PGS1: variants seen among roughly 807,000 people sequenced by gnomAD.
PGS1 encodes phosphatidylglycerophosphate synthase 1.
Under a neutral mutation model 58.3 loss-of-function variants are expected in PGS1, and 44 were observed. The observed-to-expected ratio is 0.75, with a 90% CI of 0.59 to 0.97. The LOEUF (loss-of-function observed/expected upper bound fraction) is 0.97, where lower values mean the gene tolerates loss of function less well. Ranked by LOEUF, PGS1 falls within the 50% of genes least tolerant of loss-of-function variation. The pLI is 0.00. For missense variants in PGS1, 684 were observed against 731.1 expected, an observed-to-expected ratio of 0.94 and a Z score of 0.74; for synonymous variants, 330 against 311.0, an observed-to-expected ratio of 1.06 and a Z score of -0.64.
chr17:78,413,059 T>C (rs1213223363), intron 7 of PGS1, among the ~76,000 whole-genome samples: 2 of 152,210 alleles, frequency 1.3e-5, no homozygotes, highest in Non-Finnish European at 2.9e-5. Context: ...GGGGGCAGCC[T>C]GCCCACACCT....
At chr17:78,394,978 T>C (rs189676119) in intron 2 of PGS1, among the ~76,000 whole-genome samples, 1 of 152,288 alleles carries the variant, frequency 6.6e-6, no homozygotes, top group Non-Finnish European at 1.5e-5. Context: ...AGGGTGGGCT[T>C]GCAGAGAGCA....
At chr17:78,419,483 C>A in intron 8 of PGS1, 63 bp from the exon 9 acceptor site, 1 of 1,459,882 alleles carries the variant, frequency 6.8e-7, no homozygotes, top group Non-Finnish European at 9.6e-7. Flanking sequence ...CTGGGGCCAG[C>A]CGGCCATGTG....
rs2083878809 is a variant in PGS1, at chr17:78,403,689, G to A, written c.1002G>A (p.Gln334=). 6.2e-7 allele frequency: 1 copy of A among 1,614,108 alleles called. No homozygotes were observed. Among genetic ancestry groups the A allele is most frequent in the African/African-American group, 1.3e-5 (1 of 74,944 alleles). The change falls in exon 7 of 10, where the codon CAG becomes CAA. Residue 334 remains glutamine (Q), a synonymous_variant. Coordinates refer to ENST00000262764, the MANE Select transcript of PGS1 (RefSeq NM_024419.5). Reference sequence around the variant, plus strand: ...TCCACAGCAACTCTCTTTTGACCCAGGAAGATGCAGCAGCTGCTGGGGATC... The same window carrying A: ...TCCACAGCAACTCTCTTTTGACCCAAGAAGATGCAGCAGCTGCTGGGGATC... ...QTFHSNSLLT[Q]EDAAAAGDRR...
rs1329461217 is a variant in PGS1 at position 78,424,490 on chromosome 17, C to T, written c.*440C>T. On this transcript the variant is annotated 3_prime_UTR_variant, in exon 10 of 10. Transcript: ENST00000262764. ...GCTAAAAATTACAGAGTAAAGTTCCCTGATTCTTAATGTGTAATGTCTGCC... is the reference window on the plus strand; with the variant it reads ...GCTAAAAATTACAGAGTAAAGTTCCTTGATTCTTAATGTGTAATGTCTGCC... 4 of 297,274 alleles carry T rather than the reference C, an allele frequency of 1.3e-5. No homozygotes were observed. Among genetic ancestry groups the T allele is most frequent in the Non-Finnish European group, 1.9e-5 (3 of 157,184 alleles). 18.4% of individuals were successfully genotyped at this position (297,274 alleles called of 1,614,324 possible). A position where few individuals can be genotyped will look rare whatever the true frequency, so the allele number is the denominator to read the frequency against.
At chr17:78,414,799 T>C in intron 7 of PGS1, 80 bp from the exon 8 acceptor site, 2 of 1,533,674 alleles carry the variant, frequency 1.3e-6, no homozygotes. Flanking sequence ...CGCCTTTCTC[T>C]TAGATTGCAG....
At chr17:78,419,474 TG>T in intron 8 of PGS1, 71 bp from the exon 9 acceptor site, 1 of 1,377,034 alleles carries the variant, frequency 7.3e-7, no homozygotes, top group Non-Finnish European at 1.0e-6. Context: ...GGGGCTGGGC[TG>T]GGGCCAGCCG....
chr17:78,390,398 A>G (rs2082741445), intron 1 of PGS1, among the ~76,000 whole-genome samples: 1 of 152,120 alleles, frequency 6.6e-6, no homozygotes, highest in South Asian at 2.1e-4. Flanking sequence ...GGATCCACAG[A>G]GGCAGCACCT....
chr17:78,405,020 C>T (rs1567979429), intron 7 of PGS1, among the ~76,000 whole-genome samples: 1 of 148,166 alleles, frequency 6.7e-6, no homozygotes. Flanking sequence ...TTTTTTGAGA[C>T]AGAGTCTTGC....
At chr17:78,390,062 T>TCCCCCGCCCCTGCC (rs2082706607) in intron 1 of PGS1, among the ~76,000 whole-genome samples, 1 of 128,606 alleles carries the variant, frequency 7.8e-6, no homozygotes, top group Admixed American at 8.0e-5. Context: ...TGTTGCCTGT[T>TCCCCCGCCCCTGCC]CCCCCGCCCC....
chr17:78,385,789 GT>G lies in PGS1; in HGVS notation c.144-6684del, dbSNP rs530991095. Among the ~76,000 whole-genome samples the G allele has an allele frequency of 6.4e-4, 97 of 152,342 alleles. 3 individuals are homozygous for G. In the South Asian group the frequency reaches 0.02, roughly 31 times the overall value. On this transcript the variant is annotated intron_variant, in intron 1 of 9. Transcript: ENST00000262764. ...GCTGCTTCCTGCTCTCACTGTTTCA[GT>G]TTGGCTGATTATTGTGAGCTCAGTT...
intron 7 of PGS1, among the ~76,000 whole-genome samples, chr17:78,412,737 C>T (rs11871647): frequency 6.6e-6 from 1 of 152,162 alleles, no homozygotes; most frequent in African/African-American, 2.4e-5. Flanking sequence ...TGTGGCCTTC[C>T]TACTCATCAC....
chr17:78,422,834 A>T (rs1419814866), intron 9 of PGS1, among the ~76,000 whole-genome samples: 1 of 152,136 alleles, frequency 6.6e-6, no homozygotes, highest in Non-Finnish European at 1.5e-5. Flanking sequence ...AGTGGTTGAC[A>T]CCTGTAATCC....
chr17:78,397,594 C>CCCT, intron 3 of PGS1, among the ~76,000 whole-genome samples: 1 of 151,784 alleles, frequency 6.6e-6, no homozygotes, highest in South Asian at 2.1e-4. Flanking sequence ...GCGCCACCCC[C>CCCT]CCAGCTAATT....
At chr17:78,383,964 T>A (rs184476455) in intron 1 of PGS1, among the ~76,000 whole-genome samples, 1 of 152,348 alleles carries the variant, frequency 6.6e-6, no homozygotes. Flanking sequence ...ATCTGATTTA[T>A]GTAAACGGGT....
intron 7 of PGS1, among the ~76,000 whole-genome samples, chr17:78,411,720 G>A (rs1372649739): frequency 6.6e-6 from 1 of 152,212 alleles, no homozygotes; most frequent in African/African-American, 2.4e-5. Flanking sequence ...AGAGTCGGGC[G>A]TGATAACCAG....
At chr17:78,411,876 G>A (rs1474505682) in intron 7 of PGS1, among the ~76,000 whole-genome samples, 3 of 138,554 alleles carry the variant, frequency 2.2e-5, no homozygotes, top group African/African-American at 7.8e-5. Context: ...GAGCGAGGGA[G>A]ATGAAACAGA....
chr17:78,380,987 A>C (rs2081995687), intron 1 of PGS1: 1 of 152,150 alleles, frequency 6.6e-6, no homozygotes, highest in African/African-American at 2.4e-5. Flanking sequence ...CTGGGTCTAC[A>C]GACACATGCC....
At chr17:78,378,902 G>T in intron 1 of PGS1, 94 bp downstream of exon 1, 3 of 1,258,636 alleles carry the variant, frequency 2.4e-6, no homozygotes, top group Non-Finnish European at 3.1e-6. Flanking sequence ...CTGGGCATCC[G>T]CAGCGAGTCC....
intron 3 of PGS1, 178 bp from the exon 4 acceptor site, chr17:78,398,074 G>A: frequency 1.5e-6 from 1 of 682,966 alleles, no homozygotes; most frequent in Non-Finnish European, 2.7e-6. Flanking sequence ...TTCTTCTGAT[G>A]ATCATGAAGG....
Sources: gnomAD v4.1 joint callset for allele counts (sites outside exome capture counted in the v4.1 genomes callset) on GRCh38, gnomAD v4.1.1 for gene constraint, MANE v1.5 for transcripts, NCBI Gene and HGNC (gene_info 2026-07-23, HGNC 2026-07-21) for gene names.